The following CYRIA variants were observed in gnomAD, a reference collection of about 807,000 sequenced individuals.
The protein encoded by CYRIA is CYFIP-related Rac1 interactor A.
A neutral mutation model predicts 43.9 loss-of-function variants in CYRIA; 15 were observed. That is an observed-to-expected ratio of 0.34 (90% CI 0.23 to 0.53). The LOEUF (loss-of-function observed/expected upper bound fraction) is 0.53, where lower values mean the gene tolerates loss of function less well. Among genes scored for constraint, CYRIA ranks in the 20% least tolerant of loss-of-function variants. The pLI is 0.94. For missense variants in CYRIA, 236 were observed against 394.2 expected (o/e 0.60, Z 3.40); for synonymous variants, 117 against 136.0 (o/e 0.86, Z 0.97).
intron 1 of CYRIA, among the ~76,000 whole-genome samples, chr2:16,652,003 C>T (rs1669987713): frequency 1.3e-5 from 2 of 152,084 alleles, no homozygotes; most frequent in South Asian, 2.1e-4. Flanking sequence ...CAAGTCTTTG[C>T]TTTTTCCCTT....
At chr2:16,556,565 T>G (rs989964827) in intron 10 of CYRIA, among the ~76,000 whole-genome samples, 2 of 152,260 alleles carry the variant, frequency 1.3e-5, no homozygotes, top group South Asian at 4.2e-4. Context: ...AATAACAAGA[T>G]GCTGTCAAGG....
At chr2:16,639,089 T>G (rs529641992) in intron 1 of CYRIA, among the ~76,000 whole-genome samples, 1 of 152,330 alleles carries the variant, frequency 6.6e-6, no homozygotes, top group Non-Finnish European at 1.5e-5. Flanking sequence ...AGGGAGAGTA[T>G]GAAGCATGGA....
chr2:16,584,232 G>C (rs1200938981), intron 3 of CYRIA, among the ~76,000 whole-genome samples: 5 of 152,112 alleles, frequency 3.3e-5, no homozygotes, highest in African/African-American at 9.7e-5. Context: ...CTTCTTGACA[G>C]CTCTGCAGCA....
chr2:16,575,077 G>C (rs982011402), intron 3 of CYRIA, among the ~76,000 whole-genome samples: 2 of 152,164 alleles, frequency 1.3e-5, no homozygotes, highest in Non-Finnish European at 2.9e-5. Context: ...AAGGCCTTGG[G>C]AGCCCACCTC....
At chr2:16,607,921 C>T (rs902609079) in intron 2 of CYRIA, among the ~76,000 whole-genome samples, 1 of 152,154 alleles carries the variant, frequency 6.6e-6, no homozygotes, top group Admixed American at 6.5e-5. Context: ...CTTGCTCATA[C>T]TGTTCCTTTT....
At chr2:16,578,804 T>C (rs1046158974) in intron 3 of CYRIA, among the ~76,000 whole-genome samples, 2 of 151,996 alleles carry the variant, frequency 1.3e-5, no homozygotes, top group Non-Finnish European at 2.9e-5. Context: ...ACTTATATAA[T>C]TGGTGTCCCA....
intron 9 of CYRIA, 124 bp downstream of exon 9, chr2:16,560,866 G>A: frequency 1.2e-6 from 1 of 816,900 alleles, no homozygotes. Flanking sequence ...TGAAATTAAA[G>A]CAGATAATAT....
chr2:16,603,035 G>A (rs530682660), intron 2 of CYRIA, among the ~76,000 whole-genome samples: 29 of 152,110 alleles, frequency 1.9e-4, no homozygotes, highest in Admixed American at 6.5e-4. Context: ...TTTCCATGCT[G>A]CCGGCAGAGC....
At chr2:16,629,375 T>C (rs960875305) in intron 1 of CYRIA, among the ~76,000 whole-genome samples, 1 of 152,190 alleles carries the variant, frequency 6.6e-6, no homozygotes, top group Non-Finnish European at 1.5e-5. Flanking sequence ...GAATCTGCCT[T>C]CTTAGGAATC....
rs1041364470 is a variant in CYRIA, at chr2:16,586,411, A to G, written c.70+1639T>C. Among the ~76,000 whole-genome samples, 7 of 152,214 alleles carry G rather than the reference A, an allele frequency of 4.6e-5. No individual in the cohort carries two copies. In the East Asian group the frequency reaches 7.7e-4, roughly 17 times the overall value. On this transcript the variant is annotated intron_variant, in intron 3 of 11. Coordinates refer to ENST00000381323, the MANE Select transcript of CYRIA (RefSeq NM_030797.4). The stretch of plus-strand genomic sequence containing the variant: ...TGTGTGTGGTTTTTTTTAGAGGAAT[A>G]TCAAAAGTTAAACCAGTAAAAAGGC...
chr2:16,591,423 GT>G (rs916026736), intron 2 of CYRIA, among the ~76,000 whole-genome samples: 2 of 152,106 alleles, frequency 1.3e-5, no homozygotes, highest in Non-Finnish European at 2.9e-5. Flanking sequence ...GAGAAGTACA[GT>G]TTTTTTAACT....
At chr2:16,613,345 G>A (rs1388298956) in intron 2 of CYRIA, among the ~76,000 whole-genome samples, 2 of 152,166 alleles carry the variant, frequency 1.3e-5, no homozygotes, top group Non-Finnish European at 2.9e-5. Flanking sequence ...TACCTGAGCA[G>A]ACACAGAGGA....
chr2:16,660,117 C>T (rs774138963), intron 1 of CYRIA, among the ~76,000 whole-genome samples: 2 of 152,118 alleles, frequency 1.3e-5, no homozygotes, highest in African/African-American at 2.4e-5. Context: ...CTAACTAAAA[C>T]GGCTAGGTTT....
intron 6 of CYRIA, 115 bp downstream of exon 6, chr2:16,561,890 G>C (rs555744737): frequency 6.2e-6 from 6 of 964,862 alleles, no homozygotes; most frequent in Non-Finnish European, 7.8e-6. Context: ...TCTAGGGAAG[G>C]AATTACATCT....
intron 1 of CYRIA, among the ~76,000 whole-genome samples, chr2:16,649,421 C>T (rs1669907114): frequency 6.6e-6 from 1 of 151,276 alleles, no homozygotes; most frequent in African/African-American, 2.4e-5. Context: ...TAGTACAGGG[C>T]ATGGTTATAC....
chr2:16,607,324 G>T (rs1420042494), intron 2 of CYRIA, among the ~76,000 whole-genome samples: 4 of 151,464 alleles, frequency 2.6e-5, no homozygotes, highest in East Asian at 2.0e-4. Context: ...GGGCGGGTGG[G>T]GGGTGCTACT....
intron 1 of CYRIA, among the ~76,000 whole-genome samples, chr2:16,635,161 G>A (rs1374558808): frequency 6.6e-6 from 1 of 152,198 alleles, no homozygotes; most frequent in African/African-American, 2.4e-5. Context: ...CACAACTGAG[G>A]TAGATGTGGT....
At chr2:16,613,527 C>A (rs1270222583) in intron 2 of CYRIA, among the ~76,000 whole-genome samples, 1 of 149,586 alleles carries the variant, frequency 6.7e-6, no homozygotes, top group Non-Finnish European at 1.5e-5. Flanking sequence ...TTAATTCTCA[C>A]AATTACCCTC....
intron 1 of CYRIA, among the ~76,000 whole-genome samples, chr2:16,655,972 T>C (rs181601977): frequency 1.1e-4 from 16 of 152,262 alleles, no homozygotes; most frequent in Admixed American, 3.9e-4. Context: ...CAGAATTGCC[T>C]TTCTTGGTGG....
Sources: gnomAD v4.1 joint callset for allele counts (sites outside exome capture counted in the v4.1 genomes callset) on GRCh38, gnomAD v4.1.1 for gene constraint, MANE v1.5 for transcripts, NCBI Gene and HGNC (gene_info 2026-07-23, HGNC 2026-07-21) for gene names.